TP53I11: variants seen among roughly 807,000 people sequenced by gnomAD.
TP53I11 encodes the protein tumor protein p53-inducible protein 11.
Under a neutral mutation model 23.3 loss-of-function variants are expected in TP53I11, and 9 were observed. The ratio of observed to expected loss-of-function variants is 0.39; its 90% CI spans 0.23 to 0.67. TP53I11 has a LOEUF of 0.67. Among genes scored for constraint, TP53I11 ranks in the 30% least tolerant of loss-of-function variants. The pLI is 0.48. For synonymous variants in TP53I11, 100 were observed against 106.1 expected, an observed-to-expected ratio of 0.94 and a Z score of 0.35; for missense variants, 170 against 255.2, an observed-to-expected ratio of 0.67 and a Z score of 2.27.
At chr11:44,946,328 C>G (rs1278802218) in intron 1 of TP53I11, among the ~76,000 whole-genome samples, 1 of 152,202 alleles carries the variant, frequency 6.6e-6, no homozygotes, top group Non-Finnish European at 1.5e-5. Context: ...TGCTATCAGG[C>G]CATCCCTCGA....
In TP53I11 at chr11:44,937,325, G is replaced by C; in HGVS notation, c.216C>G (p.Leu72=). 1.3e-6 allele frequency: 2 copies of C among 1,494,346 alleles called. No individual in the cohort carries two copies. Among genetic ancestry groups the C allele is most frequent in the Non-Finnish European group, 1.8e-6 (2 of 1,122,050 alleles). The allele number at this position is 1,494,346 out of a possible 1,614,324, so 92.6% of individuals were successfully genotyped here. Residue 72 remains leucine (L), a synonymous_variant, in exon 4 of 7, where the codon CTC becomes CTG. Transcript: ENST00000525680. ...LRVWQFVSAV[L]FSGIAIMALA... ...TCACCATGATGGCAATGCCGGAGAA[G>C]AGCACAGCAGAGACGAACTGCCAGA... is the stretch of plus-strand genomic sequence containing the variant.
In TP53I11 at chr11:44,936,747, G is replaced by A. The variant is rs775037931; in HGVS notation, c.334+56C>T. The A allele has an allele frequency of 9.8e-5, 143 of 1,458,638 alleles. No homozygotes were observed. Among genetic ancestry groups the A allele is most frequent in the Non-Finnish European group, 1.2e-4 (133 of 1,103,566 alleles). 90.4% of individuals were successfully genotyped at this position (1,458,638 alleles called of 1,614,324 possible). On this transcript the variant is annotated intron_variant, in intron 5 of 6. Coordinates refer to ENST00000525680, the MANE Select transcript of TP53I11 (RefSeq NM_006034.5). The surrounding 1 kb of genome is among the most constrained non-coding windows in gnomAD (Gnocchi z 4.4). ...GGACCCCCGTGCTCTCCTCAGCCCC[G>A]CTGGGTCTCCCAGCTGCCCGTCGCC...
intron 1 of TP53I11, among the ~76,000 whole-genome samples, chr11:44,949,677 T>C (rs1266743401): frequency 6.6e-6 from 1 of 152,140 alleles, no homozygotes; most frequent in East Asian, 1.9e-4. Context: ...CGCGGCGTTC[T>C]GGCCCTTCCT....
At chr11:44,937,423 G>C in intron 3 of TP53I11, 71 bp from the exon 4 acceptor site, 1 of 1,491,406 alleles carries the variant, frequency 6.7e-7, no homozygotes, top group Non-Finnish European at 9.0e-7. Flanking sequence ...AGATCCCCAG[G>C]GATGGCAGCT....
chr11:44,945,072 G>A (rs1862258922), intron 1 of TP53I11, among the ~76,000 whole-genome samples: 1 of 152,206 alleles, frequency 6.6e-6, no homozygotes, highest in African/African-American at 2.4e-5. Context: ...AGAGGAAGGG[G>A]CCCAGAACAT....
At chr11:44,939,808 C>T (rs867998973) in intron 1 of TP53I11, among the ~76,000 whole-genome samples, 3 of 152,210 alleles carry the variant, frequency 2.0e-5, no homozygotes, top group Non-Finnish European at 4.4e-5. Context: ...TACCCTCCTA[C>T]GCCCCCTGGC....
At position 44,934,748 on chromosome 11, in the gene TP53I11, C is replaced by A; in HGVS notation, c.*136G>T. ...GGGGTGCCCAGGAGGAAAGGAAGGC[C>A]CCCCACCCCCTGCCTCCCTGGGGCA... On this transcript the variant is annotated 3_prime_UTR_variant, in exon 7 of 7. Coordinates refer to ENST00000525680, the MANE Select transcript of TP53I11 (RefSeq NM_006034.5). The A allele has an allele frequency of 1.6e-6, 2 of 1,259,804 alleles. No individual in the cohort carries two copies. The highest frequency in any genetic ancestry group is 2.2e-6 in the Non-Finnish European group (2 of 926,486). 78.0% of individuals were successfully genotyped at this position (1,259,804 alleles called of 1,614,324 possible). A position where few individuals can be genotyped will look rare whatever the true frequency, so the allele number is the denominator to read the frequency against.
intron 1 of TP53I11, chr11:44,947,328 A>G (rs1590800863): frequency 2.8e-6 from 1 of 356,170 alleles, no homozygotes; most frequent in South Asian, 2.1e-5. Flanking sequence ...CGTCATCAGG[A>G]CAGCCTGACT....
At chr11:44,943,397 A>G (rs1329699315) in intron 1 of TP53I11, among the ~76,000 whole-genome samples, 1 of 152,118 alleles carries the variant, frequency 6.6e-6, no homozygotes, top group Non-Finnish European at 1.5e-5. Flanking sequence ...GGCAGCAAGG[A>G]CAGCCACTCC....
chr11:44,942,953 C>T (rs1166051602), intron 1 of TP53I11, among the ~76,000 whole-genome samples: 2 of 152,212 alleles, frequency 1.3e-5, no homozygotes, highest in African/African-American at 2.4e-5. Context: ...CAGGGCCACT[C>T]CAGGTGTTTA....
At chr11:44,935,707 T>C in intron 5 of TP53I11, 45 bp from the exon 6 acceptor site, 1 of 1,357,908 alleles carries the variant, frequency 7.4e-7, no homozygotes, top group Non-Finnish European at 1.0e-6. Flanking sequence ...GACAGCTGAC[T>C]CCCTCCCAGC....
chr11:44,942,350 CCCA>C (rs1253664203), intron 1 of TP53I11, among the ~76,000 whole-genome samples: 5 of 148,304 alleles, frequency 3.4e-5, no homozygotes, highest in Admixed American at 6.7e-5. Flanking sequence ...CACACACACC[CCCA>C]CAACACACCA....
intron 1 of TP53I11, among the ~76,000 whole-genome samples, chr11:44,945,640 G>A (rs1441719023): frequency 1.3e-5 from 2 of 152,114 alleles, no homozygotes; most frequent in Non-Finnish European, 2.9e-5. Context: ...ACTCCAGCAG[G>A]ACTTGGGGAG....
rs569024782 is a variant in TP53I11, at chr11:44,937,788, T to C, written c.130-175A>G. 5.9e-5 allele frequency among the ~76,000 whole-genome samples: 9 copies of C among 152,296 alleles called. No individual in the cohort carries two copies. In the East Asian group the frequency reaches 1.7e-3, roughly 30 times the overall value. Reference sequence around the variant, plus strand: ...GGCCACCCCCTCTCCTGCTTCCCCTTGACACTAGGATTTAAAAGAAGCTGA... The same window carrying C: ...GGCCACCCCCTCTCCTGCTTCCCCTCGACACTAGGATTTAAAAGAAGCTGA... On this transcript the variant is annotated intron_variant, in intron 2 of 6. Coordinates refer to ENST00000525680, the MANE Select transcript of TP53I11 (RefSeq NM_006034.5).
At chr11:44,946,546 T>G (rs1862411300) in intron 1 of TP53I11, among the ~76,000 whole-genome samples, 1 of 152,210 alleles carries the variant, frequency 6.6e-6, no homozygotes, top group Non-Finnish European at 1.5e-5. Context: ...CCCGTGGCAG[T>G]GGCAACCCCC....
chr11:44,934,780 G>T lies in TP53I11; in HGVS notation c.*104C>A. ...CCCCTGCCTCCCTGGGGCAGGACTG[G>T]GGCAGGGCAGGGGACCCTCCTGCCT... On this transcript the variant is annotated 3_prime_UTR_variant, in exon 7 of 7. Transcript: ENST00000525680. 1 of 1,502,440 alleles carries T rather than the reference G, an allele frequency of 6.7e-7. No individual in the cohort carries two copies. Among genetic ancestry groups the T allele is most frequent in the East Asian group, 2.3e-5 (1 of 42,878 alleles). The allele number at this position is 1,502,440 out of a possible 1,614,324, so 93.1% of individuals were successfully genotyped here.
chr11:44,940,485 C>G (rs1861640076), intron 1 of TP53I11: 1 of 152,178 alleles, frequency 6.6e-6, no homozygotes, highest in Non-Finnish European at 1.5e-5. Flanking sequence ...TCAAATATGC[C>G]ATGTAAGTGG....
At chr11:44,949,035 A>C (rs1862662105) in intron 1 of TP53I11, among the ~76,000 whole-genome samples, 1 of 152,238 alleles carries the variant, frequency 6.6e-6, no homozygotes, top group Non-Finnish European at 1.5e-5. Context: ...ACGACATGTG[A>C]CTGGGAAAGA....
chr11:44,938,154 G>A lies in TP53I11; in HGVS notation c.129+53C>T, dbSNP rs932163871. On this transcript the variant is annotated intron_variant, in intron 2 of 6. Coordinates refer to ENST00000525680, the MANE Select transcript of TP53I11 (RefSeq NM_006034.5). ...TGGGCTAACCTTCTCCCCTAATGGT[G>A]GGTCAGCCTGGCCTCCCCAGTGGGT... The A allele has an allele frequency of 3.8e-6, 6 of 1,567,338 alleles. No individual in the cohort carries two copies. In the African/African-American group the frequency reaches 8.2e-5, roughly 21 times the overall value.
Sources: gnomAD v4.1 joint callset for allele counts (sites outside exome capture counted in the v4.1 genomes callset) on GRCh38, gnomAD v4.1.1 for gene constraint, Gnocchi (gnomAD v3.1) non-coding constraint, MANE v1.5 for transcripts, NCBI Gene and HGNC (gene_info 2026-07-23, HGNC 2026-07-21) for gene names.